Variants in DSE observed in about 807,000 individuals in gnomAD.
DSE encodes the protein dermatan sulfate epimerase, also known as dermatan-sulfate epimerase.
A neutral mutation model predicts 84.4 loss-of-function variants in DSE; 36 were observed. The observed-to-expected ratio is 0.43, with a 90% CI of 0.33 to 0.56. The LOEUF is 0.56. Ranked by LOEUF, DSE falls within the 20% of genes least tolerant of loss-of-function variation. The pLI is 0.06. For synonymous variants in DSE, 410 were observed against 430.1 expected, an observed-to-expected ratio of 0.95 and a Z score of 0.58; for missense variants, 862 against 1,169.6, an observed-to-expected ratio of 0.74 and a Z score of 3.84.
At chr6:116,328,629 G>T (rs1478717212) in intron 2 of DSE, among the ~76,000 whole-genome samples, 1 of 152,206 alleles carries the variant, frequency 6.6e-6, no homozygotes, top group Admixed American at 6.5e-5. Context: ...GACGCACATT[G>T]TAATGATTCA....
intron 2 of DSE, among the ~76,000 whole-genome samples, chr6:116,351,097 T>C (rs1778285366): frequency 6.6e-6 from 1 of 152,224 alleles, no homozygotes; most frequent in Middle Eastern, 3.2e-3. Flanking sequence ...ATAGAACATT[T>C]GTTGTGATTA....
chr6:116,299,975 T>C (rs1774935493), intron 2 of DSE, among the ~76,000 whole-genome samples: 1 of 152,326 alleles, frequency 6.6e-6, no homozygotes, highest in South Asian at 2.1e-4. Flanking sequence ...TGTGGAATTT[T>C]AATAAACTGT....
chr6:116,341,255 A>C (rs1777572255), intron 2 of DSE, among the ~76,000 whole-genome samples: 1 of 152,062 alleles, frequency 6.6e-6, no homozygotes. Flanking sequence ...ACCATTTTTT[A>C]ATGTGTCAGC....
At chr6:116,300,718 C>A (rs1774986786) in intron 2 of DSE, among the ~76,000 whole-genome samples, 2 of 152,062 alleles carry the variant, frequency 1.3e-5, no homozygotes, top group African/African-American at 4.8e-5. Context: ...AATCTGAGTC[C>A]AAAATAAATG....
At chr6:116,409,978 G>A (rs779858414) in intron 2 of DSE, among the ~76,000 whole-genome samples, 3 of 151,750 alleles carry the variant, frequency 2.0e-5, no homozygotes, top group Non-Finnish European at 4.4e-5. Flanking sequence ...GTGTAGGGAG[G>A]AAACTAGCAA....
intron 2 of DSE, among the ~76,000 whole-genome samples, chr6:116,339,047 T>C (rs775940797): frequency 9.2e-5 from 14 of 152,074 alleles, no homozygotes; most frequent in Non-Finnish European, 1.6e-4. Context: ...ACTGGTAACA[T>C]GCTCCTGTTC....
intron 2 of DSE, among the ~76,000 whole-genome samples, chr6:116,289,461 G>C (rs1485165893): frequency 6.6e-6 from 1 of 151,756 alleles, no homozygotes; most frequent in Non-Finnish European, 1.5e-5. Flanking sequence ...GTATTTTTTA[G>C]GTAGTATTTA....
upstream of DSE, chr6:116,370,604 C>A: frequency 1.2e-6 from 1 of 814,324 alleles, no homozygotes; most frequent in Non-Finnish European, 1.5e-6. Context: ...GGGTGTGATT[C>A]TCGAACCCGA....
intron 2 of DSE, among the ~76,000 whole-genome samples, chr6:116,425,594 T>A (rs1000669081): frequency 2.6e-4 from 37 of 140,676 alleles, no homozygotes; most frequent in Admixed American, 3.1e-4. Context: ...GTAATTCTTT[T>A]TTTTATTTTA....
At chr6:116,376,236 G>T (rs371149673) in intron 1 of DSE, among the ~76,000 whole-genome samples, 25 of 152,220 alleles carry the variant, frequency 1.6e-4, no homozygotes, top group East Asian at 1.5e-3. Flanking sequence ...GGATTCCATT[G>T]TGGGGCCACT....
chr6:116,406,662 T>A (rs1781949684), intron 2 of DSE, among the ~76,000 whole-genome samples: 1 of 152,234 alleles, frequency 6.6e-6, no homozygotes, highest in Admixed American at 6.5e-5. Flanking sequence ...TAAAGCTGGG[T>A]AGTTCCTTTT....
intron 2 of DSE, among the ~76,000 whole-genome samples, chr6:116,282,997 G>A (rs1773639203): frequency 6.6e-6 from 1 of 152,142 alleles, no homozygotes; most frequent in Non-Finnish European, 1.5e-5. Flanking sequence ...ACTATTACTT[G>A]TGGATTTTTT....
intron 2 of DSE, among the ~76,000 whole-genome samples, chr6:116,320,524 T>A (rs1022498244): frequency 6.6e-5 from 10 of 151,982 alleles, no homozygotes; most frequent in African/African-American, 2.4e-4. Context: ...GGAGTCCTCC[T>A]TTAGGGAAGG....
chr6:116,377,263 G>A (rs9481635), intron 1 of DSE, among the ~76,000 whole-genome samples: 5,305 of 152,194 alleles, frequency 0.035, 267 homozygotes, highest in African/African-American at 0.11. Flanking sequence ...ACATTATACC[G>A]CAACAAAGTT....
At chr6:116,373,182 G>A (rs1161095598) in intron 1 of DSE, among the ~76,000 whole-genome samples, 2 of 152,054 alleles carry the variant, frequency 1.3e-5, no homozygotes, top group Non-Finnish European at 2.9e-5. Flanking sequence ...GTGAAACCCG[G>A]TCTCTACTAA....
At chr6:116,319,554 A>C (rs1776181945) in intron 2 of DSE, among the ~76,000 whole-genome samples, 1 of 152,254 alleles carries the variant, frequency 6.6e-6, no homozygotes, top group African/African-American at 2.4e-5. Context: ...ACAACTTAGA[A>C]GAGGTCTGAA....
chr6:116,437,254 T>C lies in DSE; in HGVS notation c.2786T>C (p.Leu929Pro). 2 of 1,614,120 alleles carry C rather than the reference T, an allele frequency of 1.2e-6. No individual in the cohort carries two copies. The highest frequency in any genetic ancestry group is 1.7e-6 in the Non-Finnish European group (2 of 1,180,004). Residue 929 changes from leucine (L) to proline (P), a missense_variant, in exon 6 of 6, where the codon CTA becomes CCA. By Grantham distance (98) the Leu-to-Pro change is moderately conservative (BLOSUM62 -3). Coordinates refer to ENST00000644252, the MANE Select transcript of DSE (RefSeq NM_013352.4). ...QLTYFQRAQS[L>P]HGQRCLYAVL... Reference sequence around the variant, plus strand: ...ACTTATTTCCAGAGGGCCCAGAGCCTACATGGCCAAAGATGTCTTTATGCA... The same window carrying C: ...ACTTATTTCCAGAGGGCCCAGAGCCCACATGGCCAAAGATGTCTTTATGCA...
At chr6:116,298,834 A>T (rs1482593106) in intron 2 of DSE, among the ~76,000 whole-genome samples, 3 of 152,216 alleles carry the variant, frequency 2.0e-5, no homozygotes, top group Non-Finnish European at 2.9e-5. Context: ...TGGGACATGG[A>T]AAACGGAGCC....
intron 2 of DSE, among the ~76,000 whole-genome samples, chr6:116,335,756 A>G (rs1777208260): frequency 6.6e-6 from 1 of 152,190 alleles, no homozygotes; most frequent in Admixed American, 6.5e-5. Context: ...CATTGATAGC[A>G]TAAGTTACTA....
Sources: gnomAD v4.1 joint callset for allele counts (sites outside exome capture counted in the v4.1 genomes callset) on GRCh38, gnomAD v4.1.1 for gene constraint, MANE v1.5 for transcripts, NCBI Gene and HGNC (gene_info 2026-07-23, HGNC 2026-07-21) for gene names.